The following MED12L variants were observed in gnomAD, a reference collection of about 807,000 sequenced individuals.
MED12L encodes the protein mediator complex subunit 12L.
Under a neutral mutation model 281.3 loss-of-function variants are expected in MED12L, and 60 were observed. That is an observed-to-expected ratio of 0.21 (90% confidence interval 0.17 to 0.26). The LOEUF (loss-of-function observed/expected upper bound fraction) is 0.26. Among genes scored for constraint, MED12L ranks in the 10% least tolerant of loss-of-function variants. The probability of loss-of-function intolerance (pLI) is 1.00; values close to 1 mark genes in which losing one functional copy is unlikely to be tolerated. For synonymous variants in MED12L, 974 were observed against 987.2 expected (o/e 0.99, Z 0.25); for missense variants, 2,146 against 2,680.9 (o/e 0.80, Z 4.41).
chr3:151,086,119 C>G (rs1401818633), intron 1 of MED12L, among the ~76,000 whole-genome samples, 183 bp downstream of exon 1: 1 of 152,300 alleles, frequency 6.6e-6, no homozygotes, highest in Non-Finnish European at 1.5e-5. Flanking sequence ...CCCACGCCAC[C>G]GTGAGCACGG....
intron 3 of MED12L, among the ~76,000 whole-genome samples, chr3:151,122,181 A>T (rs577575927): frequency 8.2e-4 from 125 of 152,372 alleles, no homozygotes; most frequent in Non-Finnish European, 1.5e-3. Flanking sequence ...AGGTAATACT[A>T]GCTTTCTCTT....
chr3:151,397,043 G>A (rs1055890744), intron 39 of MED12L, among the ~76,000 whole-genome samples: 3 of 152,100 alleles, frequency 2.0e-5, no homozygotes, highest in African/African-American at 7.2e-5. Context: ...TGTACTGCTT[G>A]TACCAATGGG....
At chr3:151,185,280 G>T (rs1345452305) in intron 11 of MED12L, 50 bp from the exon 12 acceptor site, 1 of 1,582,190 alleles carries the variant, frequency 6.3e-7, no homozygotes, top group East Asian at 2.3e-5. Context: ...CCTCTTGCTG[G>T]GTGAATGTTT....
At chr3:151,252,926 G>A (rs1418339295) in intron 16 of MED12L, among the ~76,000 whole-genome samples, 1 of 152,128 alleles carries the variant, frequency 6.6e-6, no homozygotes, top group African/African-American at 2.4e-5. Context: ...AAAGGAGCAT[G>A]TACTACATTA....
intron 2 of MED12L, among the ~76,000 whole-genome samples, chr3:151,089,673 TG>T (rs1719765439): frequency 1.7e-5 from 1 of 58,152 alleles, no homozygotes; most frequent in Non-Finnish European, 3.2e-5. Context: ...TGGAGAAGTA[TG>T]GGGGTGGGGC....
rs1356727661 is a variant in MED12L, at chr3:151,429,041, A to G, written c.6409-1258A>G. ...ATTGAAGAGTCTTTTTCAAAAGACAAATTACAAAGGTATGGAAAACCAGCT... is the reference window on the plus strand; with the variant it reads ...ATTGAAGAGTCTTTTTCAAAAGACAGATTACAAAGGTATGGAAAACCAGCT... On this transcript the variant is annotated intron_variant, in intron 43 of 44. Coordinates refer to ENST00000687756, the MANE Select transcript of MED12L (RefSeq NM_001393769.1). Among the ~76,000 whole-genome samples, 6 of 152,180 alleles carry G rather than the reference A, an allele frequency of 3.9e-5. No individual in the cohort carries two copies. The East Asian group carries it at 5.8e-4, about 15-fold the overall frequency.
chr3:151,263,241 C>T (rs763404053), intron 16 of MED12L, among the ~76,000 whole-genome samples: 3 of 152,198 alleles, frequency 2.0e-5, no homozygotes, highest in Non-Finnish European at 2.9e-5. Context: ...AGCTATCTTC[C>T]AGTCCTTTGT....
intron 16 of MED12L, among the ~76,000 whole-genome samples, chr3:151,339,920 CAG>C (rs1751591747): frequency 6.6e-6 from 1 of 151,936 alleles, no homozygotes; most frequent in Non-Finnish European, 1.5e-5. Flanking sequence ...TCTTAATAAT[CAG>C]AGATATATTG....
intron 5 of MED12L, among the ~76,000 whole-genome samples, chr3:151,147,855 C>T (rs1717944395): frequency 6.6e-6 from 1 of 152,184 alleles, no homozygotes; most frequent in South Asian, 2.1e-4. Flanking sequence ...TGTGTCATTT[C>T]TCTTAGATAT....
chr3:151,232,667 T>G (rs1731925174), intron 16 of MED12L, among the ~76,000 whole-genome samples: 1 of 152,194 alleles, frequency 6.6e-6, no homozygotes, highest in Non-Finnish European at 1.5e-5. Flanking sequence ...ACCATTATCC[T>G]TAGTAAACTA....
intron 17 of MED12L, among the ~76,000 whole-genome samples, chr3:151,353,802 A>T (rs1753547204): frequency 1.3e-5 from 2 of 152,220 alleles, no homozygotes; most frequent in African/African-American, 4.8e-5. Context: ...AGAAGACGAC[A>T]GTGTGAGGAG....
intron 2 of MED12L, among the ~76,000 whole-genome samples, chr3:151,113,758 T>C (rs1229516159): frequency 6.6e-6 from 1 of 152,180 alleles, no homozygotes; most frequent in Non-Finnish European, 1.5e-5. Flanking sequence ...CCATGTTCTT[T>C]TCCTTCTGGG....
intron 2 of MED12L, among the ~76,000 whole-genome samples, chr3:151,092,260 T>C (rs1720149231): frequency 6.6e-6 from 1 of 152,222 alleles, no homozygotes; most frequent in Non-Finnish European, 1.5e-5. Flanking sequence ...CAGCCTGTCT[T>C]CCCTCATCCT....
intron 43 of MED12L, 135 bp from the exon 44 acceptor site, chr3:151,430,164 A>T (rs1719315432): frequency 7.8e-7 from 1 of 1,288,650 alleles, no homozygotes; most frequent in East Asian, 2.5e-5. Context: ...ATTAATCCAC[A>T]CACAGTTGTC....
At chr3:151,171,244 C>G (rs1025445709) in intron 11 of MED12L, among the ~76,000 whole-genome samples, 3 of 152,180 alleles carry the variant, frequency 2.0e-5, no homozygotes, top group African/African-American at 7.2e-5. Context: ...GCTCACTGAG[C>G]CTGTCACTTG....
chr3:151,319,558 T>C (rs1445766811), intron 16 of MED12L, among the ~76,000 whole-genome samples: 1 of 151,284 alleles, frequency 6.6e-6, no homozygotes, highest in African/African-American at 2.5e-5. Flanking sequence ...ACTAGGGTGA[T>C]TTTTTTCCTT....
chr3:151,331,152 C>G (rs998525250), intron 16 of MED12L, among the ~76,000 whole-genome samples: 5 of 152,184 alleles, frequency 3.3e-5, no homozygotes, highest in African/African-American at 1.2e-4. Context: ...AATAGAGTCT[C>G]TTAAATGTGG....
chr3:151,294,155 A>G (rs748884363), intron 16 of MED12L: 1 of 1,449,508 alleles, frequency 6.9e-7, no homozygotes, highest in Non-Finnish European at 9.6e-7. Context: ...CGATTCCAAC[A>G]AACAATAAAA....
At chr3:151,424,950 C>CA (rs1718713209) in intron 43 of MED12L, among the ~76,000 whole-genome samples, 1 of 152,110 alleles carries the variant, frequency 6.6e-6, no homozygotes, top group African/African-American at 2.4e-5. Context: ...GTGGTCACAG[C>CA]AAAAACCTCT....
Sources: allele counts gnomAD v4.1 joint callset (sites outside exome capture counted in the v4.1 genomes callset), GRCh38; gene constraint gnomAD v4.1.1; transcripts MANE v1.5; gene names NCBI Gene and HGNC (gene_info 2026-07-23, HGNC 2026-07-21).